Variants in TMEM38B observed in about 807,000 individuals in gnomAD.
TMEM38B encodes the protein trimeric intracellular cation channel type B.
TMEM38B carries 24 observed loss-of-function variants against 28.7 expected under a neutral mutation model. The ratio of observed to expected loss-of-function variants is 0.84; its 90% CI spans 0.61 to 1.18. The LOEUF (loss-of-function observed/expected upper bound fraction) is 1.18, where lower values mean the gene tolerates loss of function less well. Among genes scored for constraint, TMEM38B ranks in the 50% most tolerant of loss-of-function variants. TMEM38B has a pLI of 0.00. For missense variants in TMEM38B, 380 were observed against 350.9 expected (o/e 1.08, Z -0.66); for synonymous variants, 131 against 127.7 (o/e 1.03, Z -0.17).
chr9:105,748,601 C>T (rs777678647), intron 5 of TMEM38B, among the ~76,000 whole-genome samples: 1 of 152,154 alleles, frequency 6.6e-6, no homozygotes, highest in Non-Finnish European at 1.5e-5. Context: ...TTTTCTATTA[C>T]TATTGCCTGG....
In TMEM38B at chr9:105,740,870, G is replaced by A. The variant is rs150507909; in HGVS notation, c.543-7203G>A. Reference sequence around the variant, plus strand: ...TGTCAGTATATTTCTATATTTTTCTGCATAAATATATTTTTACAGTAAATA... The same window carrying A: ...TGTCAGTATATTTCTATATTTTTCTACATAAATATATTTTTACAGTAAATA... On this transcript the variant is annotated intron_variant, in intron 4 of 5. Coordinates refer to ENST00000374692, the MANE Select transcript of TMEM38B (RefSeq NM_018112.3). Among the ~76,000 whole-genome samples, 1,018 of 152,248 alleles carry A rather than the reference G, an allele frequency of 6.7e-3. 4 individuals carry two copies. Among genetic ancestry groups the A allele is most frequent in the Middle Eastern group, 0.014 (4 of 294 alleles).
intron 5 of TMEM38B, among the ~76,000 whole-genome samples, chr9:105,769,934 T>C (rs1301634491): frequency 6.6e-6 from 1 of 151,840 alleles, no homozygotes; most frequent in African/African-American, 2.4e-5. Context: ...TGATGAGAGT[T>C]TTAAGGAGGA....
chr9:105,705,689 C>G lies in TMEM38B; in HGVS notation c.205C>G (p.Leu69Val). 1.2e-6 allele frequency: 2 copies of G among 1,613,982 alleles called. No individual in the cohort carries two copies. The stretch of plus-strand genomic sequence containing the variant: ...TGGAGGAATTTTATCCTGTCTACTG[C>G]TTGCAGAGCCTCCATTGAAGTTTCT... ...FGGGILSCLL[L>V]AEPPLKFLAN... Residue 69 changes from leucine (L) to valine (V), a missense_variant, in exon 2 of 6, where the codon CTT becomes GTT. Coordinates refer to ENST00000374692, the MANE Select transcript of TMEM38B (RefSeq NM_018112.3).
At chr9:105,704,988 G>A (rs1398407332) in intron 1 of TMEM38B, among the ~76,000 whole-genome samples, 1 of 151,926 alleles carries the variant, frequency 6.6e-6, no homozygotes, top group Non-Finnish European at 1.5e-5. Context: ...CATATCAGGA[G>A]TCACTTGATG....
chr9:105,733,501 C>A (rs1310725002), intron 4 of TMEM38B, among the ~76,000 whole-genome samples: 1 of 144,610 alleles, frequency 6.9e-6, no homozygotes, highest in Non-Finnish European at 1.5e-5. Flanking sequence ...TAGGCATATT[C>A]CCTCTAGCTG....
chr9:105,765,313 A>C (rs140181906), intron 5 of TMEM38B, among the ~76,000 whole-genome samples: 62 of 152,356 alleles, frequency 4.1e-4, no homozygotes, highest in African/African-American at 1.2e-3. Context: ...AAAAATTTTT[A>C]AAAGTCAACT....
At chr9:105,702,721 G>T (rs547056758) in intron 1 of TMEM38B, 1 of 152,018 alleles carries the variant, frequency 6.6e-6, no homozygotes, top group Non-Finnish European at 1.5e-5. Flanking sequence ...TCACTGTGTT[G>T]TCTAGGCTGA....
At chr9:105,740,672 C>T (rs534721445) in intron 4 of TMEM38B, among the ~76,000 whole-genome samples, 2 of 152,220 alleles carry the variant, frequency 1.3e-5, no homozygotes, top group African/African-American at 2.4e-5. Context: ...CTGCCAAAAA[C>T]GAAGTCAAGT....
intron 5 of TMEM38B, among the ~76,000 whole-genome samples, chr9:105,760,968 T>C (rs980758325): frequency 2.0e-5 from 3 of 152,236 alleles, no homozygotes; most frequent in African/African-American, 7.2e-5. Context: ...TGATACCAAA[T>C]ACTTTTTGTT....
intron 5 of TMEM38B, among the ~76,000 whole-genome samples, chr9:105,748,767 G>T (rs1230690557): frequency 1.3e-5 from 2 of 152,170 alleles, no homozygotes; most frequent in African/African-American, 4.8e-5. Context: ...GAGGATTGGA[G>T]AGGATGCATG....
chr9:105,755,145 A>G (rs766873332), intron 5 of TMEM38B, among the ~76,000 whole-genome samples: 4 of 152,208 alleles, frequency 2.6e-5, no homozygotes, highest in African/African-American at 4.8e-5. Flanking sequence ...AGGCAGTAAT[A>G]CATAGCCTAC....
intron 4 of TMEM38B, among the ~76,000 whole-genome samples, chr9:105,723,597 A>G (rs1270613822): frequency 5.3e-5 from 8 of 151,770 alleles, no homozygotes; most frequent in Non-Finnish European, 1.2e-4. Flanking sequence ...TCATCTCAGT[A>G]TGTTGCCTTG....
At chr9:105,706,044 C>T (rs190809628) in intron 2 of TMEM38B, among the ~76,000 whole-genome samples, 79 of 151,892 alleles carry the variant, frequency 5.2e-4, no homozygotes, top group Admixed American at 1.8e-3. Context: ...GGAATTACAG[C>T]ACCCGCCCTC....
intron 2 of TMEM38B, among the ~76,000 whole-genome samples, chr9:105,719,283 G>A (rs1313953572): frequency 6.6e-6 from 1 of 152,122 alleles, no homozygotes; most frequent in Non-Finnish European, 1.5e-5. Flanking sequence ...TGTATGAGAA[G>A]TCAGTTGTTT....
intron 4 of TMEM38B, among the ~76,000 whole-genome samples, chr9:105,736,850 T>A (rs1837001493): frequency 6.6e-6 from 1 of 152,204 alleles, no homozygotes; most frequent in African/African-American, 2.4e-5. Flanking sequence ...CTGTGCAGCT[T>A]CTTTAACTAT....
chr9:105,740,504 C>T (rs6477460), intron 4 of TMEM38B, among the ~76,000 whole-genome samples: 31,712 of 151,764 alleles, frequency 0.21, 5,121 homozygotes, highest in East Asian at 0.47. Context: ...TGAGGTCAAG[C>T]GATCCACCCT....
chr9:105,746,346 A>G (rs1223585817), intron 4 of TMEM38B, among the ~76,000 whole-genome samples: 2 of 152,156 alleles, frequency 1.3e-5, no homozygotes, highest in Non-Finnish European at 2.9e-5. Flanking sequence ...GCAATTGTGA[A>G]TGGGAGTTCA....
intron 2 of TMEM38B, among the ~76,000 whole-genome samples, chr9:105,715,104 T>G (rs974108553): frequency 6.6e-6 from 1 of 152,218 alleles, no homozygotes; most frequent in Non-Finnish European, 1.5e-5. Flanking sequence ...ACTGATTTTT[T>G]TCTGTATTAT....
chr9:105,758,727 G>GAT, intron 5 of TMEM38B: 1 of 733,228 alleles, frequency 1.4e-6, no homozygotes, highest in Non-Finnish European at 2.4e-6. Context: ...CAAAGATAAA[G>GAT]ATAGTATTTT....
Sources: gnomAD v4.1 joint callset for allele counts (sites outside exome capture counted in the v4.1 genomes callset) on GRCh38, gnomAD v4.1.1 for gene constraint, MANE v1.5 for transcripts, NCBI Gene and HGNC (gene_info 2026-07-23, HGNC 2026-07-21) for gene names.